Variants in SH3RF3 observed in about 807,000 individuals in gnomAD.
SH3RF3 encodes SH3 domain containing ring finger 3, also known as E3 ubiquitin-protein ligase SH3RF3.
SH3RF3 carries 29 observed loss-of-function variants against 66.3 expected under a neutral mutation model. That is an observed-to-expected ratio of 0.44 (90% CI 0.33 to 0.60). The LOEUF is 0.60. SH3RF3 is among the 20% of genes least tolerant of loss of function. The probability of loss-of-function intolerance (pLI) is 0.04; values close to 1 mark genes in which losing one functional copy is unlikely to be tolerated. For synonymous variants in SH3RF3, 583 were observed against 532.0 expected (o/e 1.10, Z -1.32); for missense variants, 1,194 against 1,190.9 (o/e 1.00, Z -0.04).
At chr2:109,316,735 T>A (rs1176967981) in intron 1 of SH3RF3, among the ~76,000 whole-genome samples, 1 of 152,196 alleles carries the variant, frequency 6.6e-6, no homozygotes, top group Non-Finnish European at 1.5e-5. Flanking sequence ...TATAATGCGA[T>A]GTATCCACCA....
chr2:109,485,030 C>T (rs1347207252), intron 8 of SH3RF3, among the ~76,000 whole-genome samples: 1 of 152,226 alleles, frequency 6.6e-6, no homozygotes, highest in Non-Finnish European at 1.5e-5. Context: ...AGTACGTAAC[C>T]CATCAGCGTG....
At chr2:109,332,701 C>T (rs888810287) in intron 1 of SH3RF3, among the ~76,000 whole-genome samples, 10 of 152,178 alleles carry the variant, frequency 6.6e-5, no homozygotes, top group Admixed American at 2.0e-4. Context: ...CTGAGTGATT[C>T]CTGCCGAGCT....
chr2:109,133,813 C>T (rs1484827335), intron 1 of SH3RF3, among the ~76,000 whole-genome samples: 3 of 150,856 alleles, frequency 2.0e-5, no homozygotes, highest in Non-Finnish European at 2.9e-5. Flanking sequence ...GTACAACTTG[C>T]ATTAGCATAG....
intron 5 of SH3RF3, among the ~76,000 whole-genome samples, chr2:109,423,264 G>A (rs1427535353): frequency 6.6e-6 from 1 of 152,130 alleles, no homozygotes; most frequent in East Asian, 1.9e-4. Context: ...ATCCTCCCCT[G>A]CTGAGGTGCA....
rs565917852 is a variant in SH3RF3, at chr2:109,155,046, T to C, written c.573+24933T>C. Among the ~76,000 whole-genome samples the C allele has an allele frequency of 2.0e-5, 3 of 152,288 alleles. No individual in the cohort carries two copies. The South Asian group carries it at 6.2e-4, about 32-fold the overall frequency. Reference sequence around the variant, plus strand: ...TAAAATAGAGTGGAGTGTGTTCTGGTGTGCTCATGGAAGCTGGGGCTCTGG... The same window carrying C: ...TAAAATAGAGTGGAGTGTGTTCTGGCGTGCTCATGGAAGCTGGGGCTCTGG... On this transcript the variant is annotated intron_variant, in intron 1 of 9. Transcript: ENST00000309415.
intron 2 of SH3RF3, among the ~76,000 whole-genome samples, chr2:109,371,118 G>C (rs759314983): frequency 1.5e-4 from 23 of 152,206 alleles, no homozygotes; most frequent in Non-Finnish European, 3.1e-4. Flanking sequence ...GCTGGGTTCG[G>C]TGGCTCACAC....
At chr2:109,415,237 T>G (rs1332031087) in intron 4 of SH3RF3, among the ~76,000 whole-genome samples, 1 of 152,244 alleles carries the variant, frequency 6.6e-6, no homozygotes, top group Non-Finnish European at 1.5e-5. Flanking sequence ...TCTGAGTGAT[T>G]GTAAGCCCCT....
intron 1 of SH3RF3, among the ~76,000 whole-genome samples, chr2:109,202,996 A>G (rs1311456153): frequency 6.6e-6 from 1 of 152,198 alleles, no homozygotes; most frequent in Admixed American, 6.5e-5. Context: ...CTAACAAGGT[A>G]ACACTTGGGC....
At chr2:109,130,729 C>T (rs1182873789) in intron 1 of SH3RF3, among the ~76,000 whole-genome samples, 1 of 152,192 alleles carries the variant, frequency 6.6e-6, no homozygotes, top group Non-Finnish European at 1.5e-5. Context: ...CTCCTGGGCT[C>T]CCAGGCAGGG....
chr2:109,398,310 G>T (rs1016891934), intron 3 of SH3RF3, among the ~76,000 whole-genome samples: 26 of 152,184 alleles, frequency 1.7e-4, no homozygotes, highest in African/African-American at 6.0e-4. Flanking sequence ...GCCAGCAGTT[G>T]AAAAGATTGG....
chr2:109,181,482 A>AAC (rs140426095), intron 1 of SH3RF3, among the ~76,000 whole-genome samples: 2,366 of 151,748 alleles, frequency 0.016, 71 homozygotes, highest in African/African-American at 0.054. Context: ...CCACTGGTGT[A>AAC]ACACACACAC....
At chr2:109,430,697 C>T (rs946517879) in intron 5 of SH3RF3, among the ~76,000 whole-genome samples, 20 of 152,244 alleles carry the variant, frequency 1.3e-4, no homozygotes, top group African/African-American at 4.8e-4. Flanking sequence ...GGAACAGAAT[C>T]ACACCCTGGT....
intron 1 of SH3RF3, among the ~76,000 whole-genome samples, chr2:109,254,742 A>T (rs931881040): frequency 5.3e-5 from 8 of 152,062 alleles, no homozygotes; most frequent in African/African-American, 1.9e-4. Flanking sequence ...GGAGCCTCTC[A>T]TTGCCGGGAC....
chr2:109,316,678 T>A (rs1681891819), intron 1 of SH3RF3, among the ~76,000 whole-genome samples: 1 of 152,198 alleles, frequency 6.6e-6, no homozygotes, highest in Non-Finnish European at 1.5e-5. Flanking sequence ...TGGTGTCACA[T>A]TAGGGTTTAC....
At position 109,437,015 on chromosome 2, in the gene SH3RF3, C is replaced by G; in HGVS notation, c.1697C>G (p.Thr566Ser). ...AGTCTGAGCAGCCTGGCCACTGCCA[C>G]CAGGCCCGCCCTGCCCATCACCACT... The part of the protein sequence containing the change: ...SGSLSSLATA[T>S]RPALPITTPQ... Residue 566 changes from threonine to serine, a missense_variant, in exon 7 of 10, where the codon ACC (threonine) becomes AGC (serine). Thr to Ser is a moderately conservative substitution (Grantham distance 58, BLOSUM62 1). Coordinates refer to ENST00000309415, the MANE Select transcript of SH3RF3 (RefSeq NM_001099289.3). 1.2e-6 allele frequency: 2 copies of G among 1,613,888 alleles called. No homozygotes were observed. The highest frequency in any genetic ancestry group is 1.7e-6 in the Non-Finnish European group (2 of 1,179,890).
At chr2:109,358,554 A>AACACACT (rs1206257024) in intron 2 of SH3RF3, among the ~76,000 whole-genome samples, 3 of 152,174 alleles carry the variant, frequency 2.0e-5, no homozygotes, top group Non-Finnish European at 4.4e-5. Flanking sequence ...CATCCTCATC[A>AACACACT]ACACACTACA....
At chr2:109,227,590 G>A (rs2105172364) in intron 1 of SH3RF3, among the ~76,000 whole-genome samples, 1 of 152,306 alleles carries the variant, frequency 6.6e-6, no homozygotes, top group African/African-American at 2.4e-5. Flanking sequence ...TGGCTCTTGG[G>A]ATTGTCTGTG....
intron 1 of SH3RF3, among the ~76,000 whole-genome samples, chr2:109,209,977 C>T (rs753444222): frequency 6.6e-6 from 1 of 152,220 alleles, no homozygotes; most frequent in Admixed American, 6.5e-5. Flanking sequence ...AACTCCTCCA[C>T]GCTCAGCCCC....
chr2:109,384,380 C>T (rs1426628498), intron 3 of SH3RF3, among the ~76,000 whole-genome samples: 4 of 152,086 alleles, frequency 2.6e-5, no homozygotes, highest in Non-Finnish European at 5.9e-5. Context: ...CCTGTCAGCG[C>T]TCGGGACTTG....
Sources: allele counts gnomAD v4.1 joint callset (sites outside exome capture counted in the v4.1 genomes callset), GRCh38; gene constraint gnomAD v4.1.1; transcripts MANE v1.5; gene names NCBI Gene and HGNC (gene_info 2026-07-23, HGNC 2026-07-21).